Variants in LNPEP observed in about 807,000 individuals in gnomAD.
LNPEP encodes leucyl-cystinyl aminopeptidase.
LNPEP carries 64 observed loss-of-function variants against 120.6 expected under a neutral mutation model. The ratio of observed to expected loss-of-function variants is 0.53; its 90% CI spans 0.43 to 0.65. The LOEUF (loss-of-function observed/expected upper bound fraction) is 0.65, where lower values mean the gene tolerates loss of function less well. LNPEP is among the 30% of genes least tolerant of loss of function. LNPEP has a pLI of 0.00. For synonymous variants in LNPEP, 435 were observed against 425.4 expected (o/e 1.02, Z -0.28); for missense variants, 1,057 against 1,200.0 (o/e 0.88, Z 1.76).
rs1399800257 is a variant in LNPEP, at chr5:96,944,447, A to G, written c.19+8273A>G. On this transcript the variant is annotated intron_variant, in intron 1 of 17. Coordinates refer to ENST00000231368, the MANE Select transcript of LNPEP (RefSeq NM_005575.3). Reference sequence around the variant, plus strand: ...AAGTTATAGGCAGACAACAATCAATACATGTAAAGTGTACATTGGCTCAGT... The same window carrying G: ...AAGTTATAGGCAGACAACAATCAATGCATGTAAAGTGTACATTGGCTCAGT... 2.0e-5 allele frequency among the ~76,000 whole-genome samples: 3 copies of G among 151,888 alleles called. No homozygotes were observed. The East Asian group carries it at 5.8e-4, about 29-fold the overall frequency.
At position 97,033,774 on chromosome 5, in the gene LNPEP, T is replaced by C. The variant is rs1326772654; in HGVS notation, c.*5241T>C. The C allele has an allele frequency of 1.3e-5, 2 of 152,164 alleles. No homozygotes were observed. Among genetic ancestry groups the C allele is most frequent in the African/African-American group, 4.8e-5 (2 of 41,428 alleles). 9.4% of individuals were successfully genotyped at this position (152,164 alleles called of 1,614,324 possible). A position where few individuals can be genotyped will look rare whatever the true frequency, so the allele number is the denominator to read the frequency against. On this transcript the variant is annotated 3_prime_UTR_variant, in exon 18 of 18. Transcript: ENST00000231368. ...GGGTATATACTTTTGTATATGTATGTACATATTTTTATTTCTTTATTATAG... is the reference window on the plus strand; with the variant it reads ...GGGTATATACTTTTGTATATGTATGCACATATTTTTATTTCTTTATTATAG...
intron 3 of LNPEP, among the ~76,000 whole-genome samples, chr5:96,986,103 G>A (rs1266372330): frequency 6.6e-6 from 1 of 152,052 alleles, no homozygotes; most frequent in East Asian, 1.9e-4. Context: ...TTTCTTGGGG[G>A]TCCTCAACAT....
chr5:96,940,897 G>A (rs1421804382), intron 1 of LNPEP, among the ~76,000 whole-genome samples: 1 of 152,160 alleles, frequency 6.6e-6, no homozygotes, highest in African/African-American at 2.4e-5. Context: ...ACAGTCGGGG[G>A]GATGTATGTA....
intron 1 of LNPEP, among the ~76,000 whole-genome samples, chr5:96,953,005 G>T (rs1387750332): frequency 6.6e-6 from 1 of 152,104 alleles, no homozygotes; most frequent in Non-Finnish European, 1.5e-5. Context: ...ACCTTTAAGA[G>T]GACTAGAATC....
At chr5:97,021,923 G>GTTTTTTTTTTTTTTTTTTTTTTT (rs1165456605) in intron 13 of LNPEP, among the ~76,000 whole-genome samples, 13 of 57,190 alleles carry the variant, frequency 2.3e-4, no homozygotes, top group African/African-American at 3.8e-4. Flanking sequence ...TTTGTCTTTT[G>GTTTTTTTTTTTTTTTTTTTTTTT]TTTTTTTTTT....
intron 4 of LNPEP, among the ~76,000 whole-genome samples, chr5:96,990,033 T>C (rs997397740): frequency 6.6e-6 from 1 of 151,998 alleles, no homozygotes; most frequent in East Asian, 1.9e-4. Flanking sequence ...GAGGTATGAG[T>C]GATGTTTCTA....
chr5:96,990,090 A>G (rs747288880), intron 4 of LNPEP, among the ~76,000 whole-genome samples: 5 of 152,194 alleles, frequency 3.3e-5, no homozygotes, highest in Admixed American at 3.3e-4. Flanking sequence ...AACACAAGAT[A>G]TGTTTGTCTG....
intron 9 of LNPEP, 120 bp downstream of exon 9, chr5:97,003,666 G>T (rs147515164): frequency 2.8e-5 from 16 of 577,252 alleles, no homozygotes; most frequent in Non-Finnish European, 3.6e-5. Context: ...TTTAAGAAAG[G>T]GGGGGATGGA....
chr5:97,020,207 T>A (rs951636681), intron 13 of LNPEP, among the ~76,000 whole-genome samples: 5 of 152,188 alleles, frequency 3.3e-5, no homozygotes, highest in Admixed American at 6.5e-5. Context: ...AGTTTAAAAA[T>A]TTCCAAATAG....
chr5:96,963,059 C>T (rs1317194682), intron 1 of LNPEP, among the ~76,000 whole-genome samples: 1 of 152,148 alleles, frequency 6.6e-6, no homozygotes, highest in Non-Finnish European at 1.5e-5. Context: ...CCAAGTGTTT[C>T]ATTCTCTCCT....
intron 13 of LNPEP, among the ~76,000 whole-genome samples, chr5:97,016,205 A>G (rs988641865): frequency 3.3e-5 from 5 of 152,090 alleles, no homozygotes; most frequent in African/African-American, 1.2e-4. Context: ...AATGGTTAAG[A>G]TTTTTATCAT....
chr5:96,974,324 T>G (rs1046886972), intron 1 of LNPEP, among the ~76,000 whole-genome samples: 1 of 152,180 alleles, frequency 6.6e-6, no homozygotes, highest in African/African-American at 2.4e-5. Flanking sequence ...TCTGCTGTTT[T>G]GTGCCCATGC....
At chr5:96,993,736 A>G (rs1790446414) in intron 5 of LNPEP, 81 bp from the exon 6 acceptor site, 1 of 1,283,578 alleles carries the variant, frequency 7.8e-7, no homozygotes, top group East Asian at 2.3e-5. Context: ...TTTCACAGTG[A>G]TAAACCATTG....
intron 1 of LNPEP, among the ~76,000 whole-genome samples, chr5:96,960,329 A>C (rs1165551895): frequency 1.3e-5 from 2 of 152,220 alleles, no homozygotes; most frequent in African/African-American, 4.8e-5. Context: ...TATGAATCAT[A>C]ATTAAAATTG....
Position 97,030,826 on chromosome 5 carries a change from C to T in LNPEP, c.*2293C>T, listed in dbSNP as rs1284710449. ...AGTTTTTTTGATGTTGTTGCCCTTA[C>T]CTTAATTATTTGTAGTTTTAGTAGG... On this transcript the variant is annotated 3_prime_UTR_variant, in exon 18 of 18. Coordinates refer to ENST00000231368, the MANE Select transcript of LNPEP (RefSeq NM_005575.3). 2 of 152,098 alleles carry T rather than the reference C, an allele frequency of 1.3e-5. No homozygotes were observed. The highest frequency in any genetic ancestry group is 1.9e-4 in the East Asian group (1 of 5,174). The allele number at this position is 152,098 out of a possible 1,614,324, so 9.4% of individuals were successfully genotyped here. A position where few individuals can be genotyped will look rare whatever the true frequency, so the allele number is the denominator to read the frequency against.
intron 1 of LNPEP, chr5:96,943,233 A>G (rs983355403): frequency 9.7e-6 from 2 of 206,394 alleles, no homozygotes; most frequent in Non-Finnish European, 1.9e-5. Context: ...TAAAAAAAAA[A>G]AAAAGAAAAC....
intron 8 of LNPEP, among the ~76,000 whole-genome samples, chr5:97,003,052 A>T (rs1368795979): frequency 6.6e-6 from 1 of 152,160 alleles, no homozygotes; most frequent in Non-Finnish European, 1.5e-5. Context: ...CTGGGGATGG[A>T]GGTGTAGGTG....
chr5:97,021,918 C>CTTT lies in LNPEP; in HGVS notation c.2377-380_2377-378dup, dbSNP rs1561455270. Among the ~76,000 whole-genome samples the CTTT allele has an allele frequency of 5.2e-4, 26 of 50,012 alleles. No homozygotes were observed. In the South Asian group the frequency reaches 8.9e-3, roughly 17 times the overall value. 32.8% of individuals were successfully genotyped at this position (50,012 alleles called of 152,430 possible). On this transcript the variant is annotated intron_variant, in intron 13 of 17. Coordinates refer to ENST00000231368, the MANE Select transcript of LNPEP (RefSeq NM_005575.3). ...TCCTGGGGTTTTTTTTGTTTTTTGT[C>CTTT]TTTTGTTTTTTTTTTTTTTTTTTTT...
At chr5:97,020,650 A>C (rs975829103) in intron 13 of LNPEP, among the ~76,000 whole-genome samples, 2 of 152,070 alleles carry the variant, frequency 1.3e-5, no homozygotes, top group Non-Finnish European at 2.9e-5. Context: ...AAATACAAAA[A>C]AATTAGCCGG....
Sources: allele counts gnomAD v4.1 joint callset (sites outside exome capture counted in the v4.1 genomes callset), GRCh38; gene constraint gnomAD v4.1.1; transcripts MANE v1.5; gene names NCBI Gene and HGNC (gene_info 2026-07-23, HGNC 2026-07-21).